The following USP7 variants were observed in gnomAD, a reference collection of about 807,000 sequenced individuals.
USP7 encodes the protein ubiquitin specific peptidase 7.
A neutral mutation model predicts 162.9 loss-of-function variants in USP7; 9 were observed. The ratio of observed to expected loss-of-function variants is 0.06; its 90% confidence interval spans 0.03 to 0.10. The LOEUF is 0.10. Among genes scored for constraint, USP7 ranks in the 10% least tolerant of loss-of-function variants. The pLI, the probability that USP7 is intolerant of heterozygous loss-of-function variation, is 1.00. For synonymous variants in USP7, 562 were observed against 475.9 expected, an observed-to-expected ratio of 1.18 and a Z score of -2.35; for missense variants, 715 against 1,373.7, an observed-to-expected ratio of 0.52 and a Z score of 7.58.
At chr16:8,961,286 A>G (rs994010550) in intron 1 of USP7, among the ~76,000 whole-genome samples, 5 of 151,978 alleles carry the variant, frequency 3.3e-5, no homozygotes, top group African/African-American at 1.2e-4. Flanking sequence ...TGAGGTCGGG[A>G]GTTCGAGACC....
chr16:8,918,942 C>A, intron 6 of USP7, 89 bp downstream of exon 6: 1 of 1,301,166 alleles, frequency 7.7e-7, no homozygotes, highest in African/African-American at 1.5e-5. Context: ...GGGAGGGAGA[C>A]GCCATGTTTG....
At chr16:8,928,811 G>A (rs1177215916) in intron 2 of USP7, among the ~76,000 whole-genome samples, 3 of 152,150 alleles carry the variant, frequency 2.0e-5, no homozygotes, top group African/African-American at 7.2e-5. Context: ...CTAATTTAGT[G>A]AAATGTACCT....
chr16:8,951,856 G>A (rs1039456338), intron 1 of USP7, among the ~76,000 whole-genome samples: 2 of 152,198 alleles, frequency 1.3e-5, no homozygotes, highest in African/African-American at 4.8e-5. Context: ...ATCTACCAAC[G>A]TGCGTTATTT....
intron 2 of USP7, among the ~76,000 whole-genome samples, chr16:8,927,754 A>G (rs1898091797): frequency 6.6e-6 from 1 of 152,202 alleles, no homozygotes; most frequent in Non-Finnish European, 1.5e-5. Context: ...AAGAATCGCA[A>G]AAACCCAGGA....
chr16:8,962,877 G>A (rs994676964), intron 1 of USP7: 4 of 157,448 alleles, frequency 2.5e-5, no homozygotes, highest in East Asian at 1.8e-4. Context: ...GGTCCCCGGA[G>A]TCCGCCTCCC....
rs541515586 is a variant in USP7 at position 8,954,702 on chromosome 16, A to T, written c.79+8505T>A. Among the ~76,000 whole-genome samples, 3 of 152,304 alleles carry T rather than the reference A, an allele frequency of 2.0e-5. No individual in the cohort carries two copies. The East Asian group carries it at 5.8e-4, about 29-fold the overall frequency. The stretch of plus-strand genomic sequence containing the variant: ...TAATAACAGCAATTGCAGGCCGGGC[A>T]CGGTGGACTCACACCTGTAATCCCA... On this transcript the variant is annotated intron_variant, in intron 1 of 30. Coordinates refer to ENST00000344836, the MANE Select transcript of USP7 (RefSeq NM_003470.3).
chr16:8,924,456 C>G (rs1040802578), intron 2 of USP7, among the ~76,000 whole-genome samples: 2 of 152,372 alleles, frequency 1.3e-5, no homozygotes, highest in African/African-American at 4.8e-5. Flanking sequence ...AAGGGCCAAG[C>G]TCTACAGGCA....
intron 6 of USP7, among the ~76,000 whole-genome samples, chr16:8,917,441 C>T (rs1184474115): frequency 6.6e-6 from 1 of 152,166 alleles, no homozygotes; most frequent in African/African-American, 2.4e-5. Flanking sequence ...TGCAGTGGCG[C>T]GACCTCAGCT....
chr16:8,953,062 C>A (rs941690313), intron 1 of USP7, among the ~76,000 whole-genome samples: 1 of 152,050 alleles, frequency 6.6e-6, no homozygotes, highest in African/African-American at 2.4e-5. Context: ...GTCTTGAACC[C>A]CTGACCTCGT....
Position 8,949,336 on chromosome 16 carries a change from T to C in USP7, c.79+13871A>G, listed in dbSNP as rs373890669. On this transcript the variant is annotated intron_variant, in intron 1 of 30. Coordinates refer to ENST00000344836, the MANE Select transcript of USP7 (RefSeq NM_003470.3). ...TTGAAACTGAGACATAAAAATGCAA[T>C]GCAATTGATTGTTGGGTACTATGTA... Among the ~76,000 whole-genome samples the C allele has an allele frequency of 2.6e-5, 4 of 152,338 alleles. No individual in the cohort carries two copies. The East Asian group carries it at 7.7e-4, about 29-fold the overall frequency.
intron 1 of USP7, among the ~76,000 whole-genome samples, chr16:8,932,341 G>C (rs918240657): frequency 4.6e-5 from 7 of 152,196 alleles, no homozygotes; most frequent in Non-Finnish European, 7.3e-5. Flanking sequence ...AAAGATGGGA[G>C]AACTGCTTGA....
intron 1 of USP7, among the ~76,000 whole-genome samples, chr16:8,954,570 G>A (rs567360999): frequency 6.6e-6 from 1 of 152,228 alleles, no homozygotes; most frequent in African/African-American, 2.4e-5. Context: ...CAATTTAGCT[G>A]TAAGTTTATA....
intron 1 of USP7, among the ~76,000 whole-genome samples, chr16:8,954,483 C>T (rs1899697878): frequency 6.6e-6 from 1 of 152,142 alleles, no homozygotes; most frequent in South Asian, 2.1e-4. Context: ...CACAATACAG[C>T]TTGTGAGATT....
intron 26 of USP7, 37 bp from the exon 27 acceptor site, chr16:8,895,778 G>GTA (rs764072063): frequency 1.7e-5 from 23 of 1,337,616 alleles, no homozygotes; most frequent in Non-Finnish European, 2.1e-6. Context: ...GCAAAATGAA[G>GTA]TATATATATT....
chr16:8,898,079 C>T (rs532991484), intron 25 of USP7, among the ~76,000 whole-genome samples: 1 of 152,110 alleles, frequency 6.6e-6, no homozygotes, highest in Admixed American at 6.5e-5. Flanking sequence ...AAGGATCCTC[C>T]TCCTCAGCCA....
chr16:8,899,987 T>C (rs1159909930), intron 21 of USP7: 8 of 595,186 alleles, frequency 1.3e-5, no homozygotes, highest in African/African-American at 9.3e-5. Flanking sequence ...TACATTCTCA[T>C]CCCACTACAA....
intron 1 of USP7, among the ~76,000 whole-genome samples, chr16:8,941,227 G>A (rs1018577228): frequency 9.9e-5 from 15 of 152,156 alleles, no homozygotes; most frequent in African/African-American, 3.6e-4. Flanking sequence ...CTTGGAAGGA[G>A]CCAATTCCAG....
intron 28 of USP7, 40 bp downstream of exon 28, chr16:8,894,991 G>T: frequency 1.9e-6 from 3 of 1,613,996 alleles, no homozygotes; most frequent in Non-Finnish European, 2.5e-6. Flanking sequence ...AAAGGCTCCA[G>T]GTTTTGACGT....
At chr16:8,905,017 A>T (rs913266264) in intron 14 of USP7, among the ~76,000 whole-genome samples, 170 bp downstream of exon 14, 1 of 152,204 alleles carries the variant, frequency 6.6e-6, no homozygotes, top group Non-Finnish European at 1.5e-5. Context: ...ACTTGGTACC[A>T]TAAGTCTGCA....
Sources: allele counts gnomAD v4.1 joint callset (sites outside exome capture counted in the v4.1 genomes callset), GRCh38; gene constraint gnomAD v4.1.1; transcripts MANE v1.5; gene names NCBI Gene and HGNC (gene_info 2026-07-23, HGNC 2026-07-21).